Variants in TNFSF8 observed in about 807,000 individuals in gnomAD.
TNFSF8 encodes TNF superfamily member 8.
A neutral mutation model predicts 22.0 loss-of-function variants in TNFSF8; 4 were observed. The observed-to-expected ratio is 0.18, with a 90% CI of 0.09 to 0.42. The LOEUF (loss-of-function observed/expected upper bound fraction) is 0.42. Among genes scored for constraint, TNFSF8 ranks in the 10% least tolerant of loss-of-function variants. TNFSF8 has a pLI of 1.00. For missense variants in TNFSF8, 233 were observed against 281.8 expected, an observed-to-expected ratio of 0.83 and a Z score of 1.24; for synonymous variants, 106 against 112.5, an observed-to-expected ratio of 0.94 and a Z score of 0.37.
chr9:114,908,923 C>G (rs1221986149), intron 2 of TNFSF8, among the ~76,000 whole-genome samples: 1 of 152,084 alleles, frequency 6.6e-6, no homozygotes, highest in African/African-American at 2.4e-5. Flanking sequence ...GTCGGCACAC[C>G]GTGGGGCCCA....
intron 1 of TNFSF8, among the ~76,000 whole-genome samples, chr9:114,927,221 G>T (rs1036456300): frequency 6.6e-6 from 1 of 151,482 alleles, no homozygotes; most frequent in East Asian, 1.9e-4. Flanking sequence ...TCACAGGAAA[G>T]AAGTAAGTTC....
chr9:114,893,977 G>C, exon 5 of TNFSF8: 1 of 941,078 alleles, frequency 1.1e-6, no homozygotes, highest in Non-Finnish European at 1.6e-6. Flanking sequence ...TGTCGGTTTA[G>C]GCCCAGAGTG....
At chr9:114,929,874 C>CATAT (rs10535780) in intron 1 of TNFSF8, among the ~76,000 whole-genome samples, 14 of 145,116 alleles carry the variant, frequency 9.6e-5, no homozygotes, top group East Asian at 4.0e-4. Flanking sequence ...CTCCCTTTCT[C>CATAT]ATATATATAT....
rs1465966433 is a variant in TNFSF8 at position 114,905,873 on chromosome 9, T to G, written c.265A>C (p.Ile89Leu). The change falls in exon 3 of 4, where the codon ATC becomes CTC. Residue 89 changes from isoleucine (I) to leucine (L), a missense_variant. Coordinates refer to ENST00000223795, the MANE Select transcript of TNFSF8 (RefSeq NM_001244.4). The stretch of plus-strand genomic sequence containing the variant: ...TTCTTGAATGGAGCCCTTTTCAGGA[T>G]ACATAAGAGGTCTTCTGAGCAATTT... ...GGNCSEDLLC[I>L]LKRAPFKKSW... is the part of the protein sequence containing the mutation. 6.2e-7 allele frequency: 1 copy of G among 1,612,592 alleles called. No individual in the cohort carries two copies.
At chr9:114,926,941 T>C (rs568607913) in intron 1 of TNFSF8, among the ~76,000 whole-genome samples, 40 of 147,116 alleles carry the variant, frequency 2.7e-4, no homozygotes, top group Middle Eastern at 3.6e-3. Flanking sequence ...TATCAATATA[T>C]TATAAAATAT....
chr9:114,927,462 G>A (rs1309378864), intron 1 of TNFSF8, among the ~76,000 whole-genome samples: 1 of 152,120 alleles, frequency 6.6e-6, no homozygotes, highest in Non-Finnish European at 1.5e-5. Context: ...CTTTGCTCAT[G>A]CTGTTCCATT....
intron 2 of TNFSF8, among the ~76,000 whole-genome samples, chr9:114,914,276 T>C (rs145756839): frequency 6.6e-6 from 1 of 152,338 alleles, no homozygotes; most frequent in African/African-American, 2.4e-5. Flanking sequence ...CAATTCTGTG[T>C]CATCTGCTGG....
At chr9:114,900,558 C>G (rs1321320010), downstream of TNFSF8, among the ~76,000 whole-genome samples, 1 of 152,184 alleles carries the variant, frequency 6.6e-6, no homozygotes, top group African/African-American at 2.4e-5. Context: ...TTTGGACAGT[C>G]CCCACATTTG....
intron 1 of TNFSF8, among the ~76,000 whole-genome samples, chr9:114,919,348 A>G (rs1390026004): frequency 6.6e-6 from 1 of 152,190 alleles, no homozygotes; most frequent in African/African-American, 2.4e-5. Flanking sequence ...ATAGAAACAG[A>G]TTGTCTTTTG....
At chr9:114,899,453 C>A (rs1237665334), downstream of TNFSF8, among the ~76,000 whole-genome samples, 4 of 150,842 alleles carry the variant, frequency 2.7e-5, no homozygotes, top group Admixed American at 1.3e-4. Flanking sequence ...GAGTGACAAT[C>A]TTCCATCGCA....
rs1359438028 is a variant in TNFSF8, at chr9:114,903,903, T to G, written c.*28A>C. On this transcript the variant is annotated 3_prime_UTR_variant, in exon 4 of 4. Transcript: ENST00000223795. The stretch of plus-strand genomic sequence containing the variant: ...GAAATACTGTATGGTAGAGAGGCGC[T>G]TTCTTCCTGAAGGCCAAGAGAAACT... The G allele has an allele frequency of 6.3e-7, 1 of 1,581,418 alleles. No homozygotes were observed. The highest frequency in any genetic ancestry group is 8.6e-7 in the Non-Finnish European group (1 of 1,165,106).
chr9:114,919,012 G>A (rs1379888150), intron 1 of TNFSF8, among the ~76,000 whole-genome samples: 1 of 145,542 alleles, frequency 6.9e-6, no homozygotes, highest in Non-Finnish European at 1.5e-5. Context: ...TATCATAAAA[G>A]TAGATGTGTT....
chr9:114,929,475 C>A (rs766975966), intron 1 of TNFSF8, among the ~76,000 whole-genome samples: 139 of 151,556 alleles, frequency 9.2e-4, no homozygotes, highest in Admixed American at 3.2e-3. Flanking sequence ...AAGCCATGGT[C>A]TTCTCTTTCG....
At chr9:114,917,111 C>A (rs549993943) in intron 2 of TNFSF8, among the ~76,000 whole-genome samples, 4 of 152,196 alleles carry the variant, frequency 2.6e-5, no homozygotes, top group Non-Finnish European at 5.9e-5. Context: ...TTGAAGGACA[C>A]TCCAAGTGTG....
At chr9:114,928,846 T>C (rs1184520321) in intron 1 of TNFSF8, among the ~76,000 whole-genome samples, 3 of 152,214 alleles carry the variant, frequency 2.0e-5, no homozygotes, top group African/African-American at 7.2e-5. Flanking sequence ...TTTCAAAGCT[T>C]GATGACACTT....
chr9:114,927,205 A>G (rs1828074508), intron 1 of TNFSF8, among the ~76,000 whole-genome samples: 1 of 151,730 alleles, frequency 6.6e-6, no homozygotes, highest in Non-Finnish European at 1.5e-5. Flanking sequence ...TGAGGCTTCA[A>G]AAATATCACA....
chr9:114,928,142 G>A (rs1329203435), intron 1 of TNFSF8, among the ~76,000 whole-genome samples: 2 of 152,144 alleles, frequency 1.3e-5, no homozygotes, highest in Non-Finnish European at 2.9e-5. Flanking sequence ...ACACCGCACT[G>A]TACAATCAGA....
chr9:114,911,275 A>G (rs963698413), intron 2 of TNFSF8, among the ~76,000 whole-genome samples: 4 of 152,192 alleles, frequency 2.6e-5, no homozygotes, highest in Non-Finnish European at 5.9e-5. Flanking sequence ...CATTTGTTGA[A>G]AAATGTTTTA....
At position 114,903,756 on chromosome 9, in the gene TNFSF8, A is replaced by T; in HGVS notation, c.*175T>A. On this transcript the variant is annotated 3_prime_UTR_variant, in exon 4 of 4. Transcript: ENST00000223795. Reference sequence around the variant, plus strand: ...CTATCTGAAAGATACTTCACTAAAAACTCTCTTTTTAACCCTGGAGCTGTA... The same window carrying T: ...CTATCTGAAAGATACTTCACTAAAATCTCTCTTTTTAACCCTGGAGCTGTA... The T allele has an allele frequency of 1.5e-6, 2 of 1,370,742 alleles. No individual in the cohort carries two copies. The highest frequency in any genetic ancestry group is 1.9e-6 in the Non-Finnish European group (2 of 1,067,832). The allele number at this position is 1,370,742 out of a possible 1,614,324, so 84.9% of individuals were successfully genotyped here.
Sources: allele counts gnomAD v4.1 joint callset (sites outside exome capture counted in the v4.1 genomes callset), GRCh38; gene constraint gnomAD v4.1.1; transcripts MANE v1.5; gene names NCBI Gene and HGNC (gene_info 2026-07-23, HGNC 2026-07-21).